ITIH5: variants seen among roughly 807,000 people sequenced by gnomAD.
The protein encoded by ITIH5 is inter-alpha-trypsin inhibitor heavy chain 5.
In ITIH5, 65 loss-of-function variants were observed where a neutral mutation model predicts 77.5. The observed-to-expected ratio is 0.84, with a 90% confidence interval of 0.69 to 1.03. ITIH5 has a LOEUF of 1.03. ITIH5 is among the 50% of genes least tolerant of loss of function. The pLI, the probability that ITIH5 is intolerant of heterozygous loss-of-function variation, is 0.00. For missense variants in ITIH5, 1,208 were observed against 1,213.1 expected (o/e 1.00, Z 0.06); for synonymous variants, 525 against 494.3 (o/e 1.06, Z -0.82).
chr10:7,572,203 T>C, intron 11 of ITIH5: 1 of 1,225,258 alleles, frequency 8.2e-7, no homozygotes, highest in Non-Finnish European at 1.0e-6. Flanking sequence ...TGTCCCTGGC[T>C]TTAGGAACTT....
chr10:7,644,236 A>C (rs893419578), intron 2 of ITIH5, among the ~76,000 whole-genome samples: 4 of 142,218 alleles, frequency 2.8e-5, no homozygotes, highest in African/African-American at 1.1e-4. Context: ...AGACCCTGTC[A>C]CAGAAAAAAA....
intron 2 of ITIH5, among the ~76,000 whole-genome samples, chr10:7,644,045 A>T (rs1833928979): frequency 1.3e-5 from 2 of 152,178 alleles, no homozygotes; most frequent in Admixed American, 1.3e-4. Flanking sequence ...GTTCAAGACC[A>T]GTCTGGCCAA....
intron 12 of ITIH5, 61 bp from the exon 13 acceptor site, chr10:7,566,468 C>T (rs918856591): frequency 1.3e-6 from 2 of 1,506,356 alleles, no homozygotes; most frequent in Non-Finnish European, 9.0e-7. Context: ...GTGGCTCACA[C>T]CTGTAATCCC....
At position 7,608,083 on chromosome 10, in the gene ITIH5, C is replaced by A. The variant is rs563547563; in HGVS notation, c.939+7899G>T. On this transcript the variant is annotated intron_variant, in intron 7 of 13. Coordinates refer to ENST00000397146, the MANE Select transcript of ITIH5 (RefSeq NM_030569.7). ...TAGCGCTTGCCTTCTGAGACCCCTT[C>A]CCCCAGTCTTTCAGGCATGCACTCA... Among the ~76,000 whole-genome samples, 9 of 152,306 alleles carry A rather than the reference C, an allele frequency of 5.9e-5. No individual in the cohort carries two copies. The East Asian group carries it at 1.7e-3, about 29-fold the overall frequency.
chr10:7,659,394 T>G (rs763383138), intron 1 of ITIH5, among the ~76,000 whole-genome samples: 9 of 151,390 alleles, frequency 5.9e-5, no homozygotes, highest in South Asian at 2.1e-4. Flanking sequence ...AAAATAAAAA[T>G]TAAAAGTAAA....
At chr10:7,654,395 T>C (rs1246523624) in intron 2 of ITIH5, among the ~76,000 whole-genome samples, 2 of 152,242 alleles carry the variant, frequency 1.3e-5, no homozygotes. Flanking sequence ...CTAGCTGCCT[T>C]TGCTGGGAAT....
chr10:7,642,008 A>G lies in ITIH5; in HGVS notation c.218T>C (p.Met73Thr). The G allele has an allele frequency of 6.2e-7, 1 of 1,614,022 alleles. No individual in the cohort carries two copies. The highest frequency in any genetic ancestry group is 8.5e-7 in the Non-Finnish European group (1 of 1,179,840). ...RYAFTTVSCR[M>T]LNRASEDQDI... is the part of the protein sequence containing the mutation. ...CTGGTCTTCAGAAGCTCTGTTCAGC[A>G]TTCTGCAGGAAACCGTAGTGAAGGC... Residue 73 changes from methionine to threonine, a missense_variant, in exon 3 of 14, where the codon ATG becomes ACG. By Grantham distance (81) the Met-to-Thr change is moderately conservative. Coordinates refer to ENST00000397146, the MANE Select transcript of ITIH5 (RefSeq NM_030569.7).
chr10:7,624,637 G>A (rs1237774663), intron 5 of ITIH5, among the ~76,000 whole-genome samples: 4 of 150,298 alleles, frequency 2.7e-5, no homozygotes, highest in East Asian at 2.0e-4. Context: ...AGCTAACATG[G>A]TGAAACCCTG....
chr10:7,586,196 G>C, intron 7 of ITIH5, 127 bp from the exon 8 acceptor site: 1 of 787,430 alleles, frequency 1.3e-6, no homozygotes, highest in Non-Finnish European at 2.0e-6. Context: ...GCTATGTAAA[G>C]GGCACTTGGC....
chr10:7,615,987 G>A lies in ITIH5; in HGVS notation c.934C>T (p.Arg312Trp), dbSNP rs368025989. 5.6e-5 allele frequency: 89 copies of A among 1,586,884 alleles called. No homozygotes were observed. Among genetic ancestry groups the A allele is most frequent in the Non-Finnish European group, 7.0e-5 (81 of 1,155,542 alleles). ...GGCGGTTGGCACTCACTCACCTGCC[G>A]GAGTTTGGTTCCCACCATAGAAGCA... ...SSASMVGTKL[R>W]QTKDALFTIL... The change falls in exon 7 of 14, where the codon CGG becomes TGG. Residue 312 changes from arginine to tryptophan, a missense_variant. By Grantham distance (101) the Arg-to-Trp change is moderately radical. Transcript: ENST00000397146.
At chr10:7,665,382 G>A (rs1834345325) in intron 1 of ITIH5, among the ~76,000 whole-genome samples, 5 of 152,200 alleles carry the variant, frequency 3.3e-5, no homozygotes, top group Admixed American at 2.6e-4. Context: ...ATGAGTCTAA[G>A]ACCATGGCCA....
chr10:7,587,358 C>T (rs137959595), intron 7 of ITIH5, among the ~76,000 whole-genome samples: 26 of 152,314 alleles, frequency 1.7e-4, no homozygotes, highest in African/African-American at 5.8e-4. Context: ...CCAAGCAGCA[C>T]TGTTGTTAGA....
At chr10:7,623,146 C>A (rs1564265726) in intron 5 of ITIH5, among the ~76,000 whole-genome samples, 2 of 152,190 alleles carry the variant, frequency 1.3e-5, no homozygotes, top group Non-Finnish European at 1.5e-5. Context: ...CTGGAAGCGC[C>A]ACCCTCTGGG....
At chr10:7,587,687 A>C (rs779498359) in intron 7 of ITIH5, among the ~76,000 whole-genome samples, 2 of 152,220 alleles carry the variant, frequency 1.3e-5, no homozygotes, top group Non-Finnish European at 2.9e-5. Context: ...CCAGCCACAC[A>C]ATCAGAGTTC....
chr10:7,662,909 T>C (rs182719124), intron 1 of ITIH5, among the ~76,000 whole-genome samples: 125 of 151,818 alleles, frequency 8.2e-4, no homozygotes, highest in African/African-American at 2.8e-3. Flanking sequence ...TTTTTGTTGT[T>C]TTTTTCCCCC....
At chr10:7,567,446 G>A (rs963283849) in intron 12 of ITIH5, among the ~76,000 whole-genome samples, 5 of 151,114 alleles carry the variant, frequency 3.3e-5, no homozygotes, top group African/African-American at 9.7e-5. Context: ...CCATTAACTC[G>A]TCATTTACAT....
intron 8 of ITIH5, among the ~76,000 whole-genome samples, chr10:7,581,491 C>T (rs867548344): frequency 3.9e-5 from 6 of 151,936 alleles, no homozygotes; most frequent in Middle Eastern, 3.4e-3. Context: ...TTCTTTATTC[C>T]TCAAATGTTT....
intron 4 of ITIH5, among the ~76,000 whole-genome samples, chr10:7,638,692 C>T (rs1466846029): frequency 2.6e-5 from 4 of 152,018 alleles, no homozygotes; most frequent in Non-Finnish European, 5.9e-5. Context: ...GTGGAATACA[C>T]GAAATAAAAA....
Position 7,614,272 on chromosome 10 carries a change from G to A in ITIH5, c.939+1710C>T, listed in dbSNP as rs562325930. The stretch of plus-strand genomic sequence containing the variant: ...GCAGTTGGCAGGTTGCGCTCTGGAC[G>A]AGCACGTGATGTTAAAGAACCACTA... On this transcript the variant is annotated intron_variant, in intron 7 of 13. Coordinates refer to ENST00000397146, the MANE Select transcript of ITIH5 (RefSeq NM_030569.7). Among the ~76,000 whole-genome samples, 23 of 152,282 alleles carry A rather than the reference G, an allele frequency of 1.5e-4. 1 individual carries two copies. Among genetic ancestry groups the A allele is most frequent in the Non-Finnish European group, 2.6e-4 (18 of 68,016 alleles).
Sources: allele counts gnomAD v4.1 joint callset (sites outside exome capture counted in the v4.1 genomes callset), GRCh38; gene constraint gnomAD v4.1.1; transcripts MANE v1.5; gene names NCBI Gene and HGNC (gene_info 2026-07-23, HGNC 2026-07-21).